Variants in COL28A1 observed in about 807,000 individuals in gnomAD.
COL28A1 encodes the protein collagen alpha-1(XXVIII) chain.
In COL28A1, 161 loss-of-function variants were observed where a neutral mutation model predicts 150.2. The observed-to-expected ratio is 1.07, with a 90% CI of 0.94 to 1.22. The LOEUF is 1.22. COL28A1 is among the 50% of genes most tolerant of loss of function. COL28A1 has a pLI of 0.00. For missense variants in COL28A1, 1,617 were observed against 1,388.3 expected (o/e 1.16, Z -2.62); for synonymous variants, 552 against 469.7 (o/e 1.18, Z -2.26).
At chr7:7,354,455 T>C (rs1356478890), downstream of COL28A1, among the ~76,000 whole-genome samples, 2 of 152,138 alleles carry the variant, frequency 1.3e-5, no homozygotes, top group African/African-American at 4.8e-5. Flanking sequence ...GCTACTCTTA[T>C]TACAGAGTAG....
chr7:7,460,854 C>G (rs1457893316), intron 15 of COL28A1, among the ~76,000 whole-genome samples: 1 of 152,158 alleles, frequency 6.6e-6, no homozygotes, highest in African/African-American at 2.4e-5. Context: ...ACTCATCCTA[C>G]ATAATAACAC....
At chr7:7,512,013 A>G (rs1034300382) in intron 8 of COL28A1, among the ~76,000 whole-genome samples, 1 of 152,224 alleles carries the variant, frequency 6.6e-6, no homozygotes, top group African/African-American at 2.4e-5. Context: ...GTGGTATACA[A>G]TGGAATATTA....
intron 23 of COL28A1, among the ~76,000 whole-genome samples, chr7:7,434,205 T>C (rs1785183340): frequency 6.6e-6 from 1 of 152,202 alleles, no homozygotes; most frequent in African/African-American, 2.4e-5. Flanking sequence ...CTTATAAAAA[T>C]TTAACCTACT....
At chr7:7,383,250 TTGTG>T (rs368714766) in intron 27 of COL28A1, among the ~76,000 whole-genome samples, 1,551 of 107,184 alleles carry the variant, frequency 0.014, 19 homozygotes, top group South Asian at 0.044. Flanking sequence ...CTTTTTTTTG[TTGTG>T]TGTGTGTGTG....
upstream of COL28A1, among the ~76,000 whole-genome samples, chr7:7,538,299 T>C (rs1030263720): frequency 3.3e-5 from 5 of 152,162 alleles, no homozygotes; most frequent in Non-Finnish European, 7.4e-5. Flanking sequence ...TGGATAACCA[T>C]AATGACTAGA....
At chr7:7,435,614 T>C (rs373055987) in intron 23 of COL28A1, among the ~76,000 whole-genome samples, 11 of 152,328 alleles carry the variant, frequency 7.2e-5, no homozygotes, top group African/African-American at 2.6e-4. Context: ...CCAATTTATG[T>C]CAGTTTTTAT....
At chr7:7,489,300 G>T in intron 13 of COL28A1, 89 bp downstream of exon 13, 1 of 800,212 alleles carries the variant, frequency 1.2e-6, no homozygotes, top group Non-Finnish European at 2.2e-6. Context: ...GATACAAGGT[G>T]GATTAATCTG....
intron 27 of COL28A1, among the ~76,000 whole-genome samples, chr7:7,394,330 C>T (rs1383628156): frequency 3.3e-5 from 5 of 152,150 alleles, no homozygotes; most frequent in African/African-American, 4.8e-5. Flanking sequence ...AATCACCAGC[C>T]TTCTGCATTG....
chr7:7,396,453 C>A (rs1482365006), intron 27 of COL28A1, among the ~76,000 whole-genome samples: 3 of 151,934 alleles, frequency 2.0e-5, no homozygotes, highest in African/African-American at 7.3e-5. Flanking sequence ...AGAGCAGAAG[C>A]CAGGCAGTTT....
At chr7:7,359,418 C>T (rs16877728) in intron 34 of COL28A1, among the ~76,000 whole-genome samples, 14,318 of 152,054 alleles carry the variant, frequency 0.094, 2,295 homozygotes, top group African/African-American at 0.33. Context: ...CGTAGAAATA[C>T]ACCTACTATA....
intron 22 of COL28A1, 66 bp downstream of exon 22, chr7:7,437,325 TATC>T (rs1785413633): frequency 9.7e-6 from 15 of 1,541,902 alleles, no homozygotes; most frequent in East Asian, 2.3e-5. Flanking sequence ...AGTTCACTGG[TATC>T]ATGATTTTTT....
intron 18 of COL28A1, 54 bp downstream of exon 18, chr7:7,452,265 C>A: frequency 1.3e-6 from 2 of 1,579,036 alleles, no homozygotes; most frequent in South Asian, 1.2e-5. Flanking sequence ...TAAAGGAAAC[C>A]TTATATAATG....
intron 13 of COL28A1, 112 bp downstream of exon 13, chr7:7,489,277 A>T (rs1217577661): frequency 4.3e-6 from 3 of 704,306 alleles, no homozygotes; most frequent in Admixed American, 4.9e-5. Flanking sequence ...CAAAAAAATA[A>T]ATAAATAAAA....
At chr7:7,367,707 TAC>T (rs1032863389) in intron 33 of COL28A1, among the ~76,000 whole-genome samples, 1 of 152,016 alleles carries the variant, frequency 6.6e-6, no homozygotes. Flanking sequence ...TGGGATGTGA[TAC>T]AGAGGGATCT....
intron 11 of COL28A1, among the ~76,000 whole-genome samples, chr7:7,501,688 G>C (rs1780534599): frequency 6.6e-6 from 1 of 152,076 alleles, no homozygotes. Flanking sequence ...AGTAATTAAA[G>C]GCCTTTTTCA....
chr7:7,385,727 T>A (rs1782145096), intron 27 of COL28A1, among the ~76,000 whole-genome samples: 1 of 152,206 alleles, frequency 6.6e-6, no homozygotes, highest in African/African-American at 2.4e-5. Flanking sequence ...GTTCAGGAAC[T>A]TCTTTTGCAT....
chr7:7,437,461 C>A lies in COL28A1; in HGVS notation c.1724G>T (p.Gly575Val), dbSNP rs1785427281. ...RGLPGPEGPK[G>V]EPGIMGPFGM... Reference sequence around the variant, plus strand: ...AAAAGGGCCCATAATGCCCGGTTCACCCTTAAAAAGAGCAAAATGCTCACT... The same window carrying A: ...AAAAGGGCCCATAATGCCCGGTTCAACCTTAAAAAGAGCAAAATGCTCACT... The change falls in exon 22 of 35, where the codon GGT (glycine) becomes GTT (valine). Residue 575 changes from glycine (G) to valine (V), a missense_variant and splice_region_variant. Coordinates refer to ENST00000399429, the MANE Select transcript of COL28A1 (RefSeq NM_001037763.3). 6.2e-7 allele frequency: 1 copy of A among 1,612,716 alleles called. No individual in the cohort carries two copies. The highest frequency in any genetic ancestry group is 8.5e-7 in the Non-Finnish European group (1 of 1,179,602).
chr7:7,526,066 C>A (rs951271060), intron 3 of COL28A1, among the ~76,000 whole-genome samples: 6 of 152,184 alleles, frequency 3.9e-5, no homozygotes, highest in African/African-American at 1.4e-4. Context: ...CTCAGATACA[C>A]TGATAGTTTT....
intron 21 of COL28A1, among the ~76,000 whole-genome samples, chr7:7,439,584 G>T (rs1300658442): frequency 2.0e-5 from 3 of 152,086 alleles, no homozygotes; most frequent in Non-Finnish European, 4.4e-5. Context: ...TTTAACATAT[G>T]GCAATTCTTC....
Sources: allele counts gnomAD v4.1 joint callset (sites outside exome capture counted in the v4.1 genomes callset), GRCh38; gene constraint gnomAD v4.1.1; transcripts MANE v1.5; gene names NCBI Gene and HGNC (gene_info 2026-07-23, HGNC 2026-07-21).